The following PRKAR1B variants were observed in gnomAD, a reference collection of about 807,000 sequenced individuals.
PRKAR1B encodes cAMP-dependent protein kinase type I-beta regulatory subunit.
A neutral mutation model predicts 46.5 loss-of-function variants in PRKAR1B; 22 were observed. That is an observed-to-expected ratio of 0.47 (90% CI 0.34 to 0.68). The LOEUF (loss-of-function observed/expected upper bound fraction) is 0.68, where lower values mean the gene tolerates loss of function less well. PRKAR1B is among the 30% of genes least tolerant of loss of function. PRKAR1B has a pLI of 0.01. For missense variants in PRKAR1B, 445 were observed against 535.6 expected (o/e 0.83, Z 1.67); for synonymous variants, 259 against 217.7 (o/e 1.19, Z -1.67).
intron 1 of PRKAR1B, among the ~76,000 whole-genome samples, chr7:724,094 A>G (rs1028459772): frequency 3.9e-5 from 6 of 152,186 alleles, no homozygotes; most frequent in African/African-American, 1.4e-4. Context: ...CACTTCCTGA[A>G]CTATGGGGGT....
chr7:584,876 C>T (rs1780510486), intron 7 of PRKAR1B, among the ~76,000 whole-genome samples: 1 of 152,232 alleles, frequency 6.6e-6, no homozygotes, highest in African/African-American at 2.4e-5. Flanking sequence ...GCACAGCCAG[C>T]CAGAGCCTGA....
chr7:698,488 G>A (rs1431603736), intron 2 of PRKAR1B, among the ~76,000 whole-genome samples: 1 of 152,086 alleles, frequency 6.6e-6, no homozygotes, highest in Non-Finnish European at 1.5e-5. Flanking sequence ...ATGTGTTAGT[G>A]TGTGTCTAGG....
intron 9 of PRKAR1B, 38 bp from the exon 10 acceptor site, chr7:551,508 G>A (rs778256477): frequency 6.5e-7 from 1 of 1,544,462 alleles, no homozygotes; most frequent in African/African-American, 1.4e-5. Context: ...TGCCAGCCAG[G>A]CGGGTGCAGG....
intron 2 of PRKAR1B, among the ~76,000 whole-genome samples, chr7:685,216 CATGTT>C (rs1054003499): frequency 2.2e-5 from 3 of 137,006 alleles, no homozygotes; most frequent in Non-Finnish European, 3.1e-5. Flanking sequence ...ATATATATAA[CATGTT>C]ATATATATAT....
intron 9 of PRKAR1B, among the ~76,000 whole-genome samples, chr7:559,520 C>T (rs538519157): frequency 2.4e-4 from 37 of 152,288 alleles, no homozygotes; most frequent in Admixed American, 2.4e-3. Flanking sequence ...GAGGGGACCC[C>T]GATCTGGGGC....
At position 592,253 on chromosome 7, in the gene PRKAR1B, G is replaced by A. The variant is rs959768163; in HGVS notation, c.708+3893C>T. Among the ~76,000 whole-genome samples the A allele has an allele frequency of 9.9e-5, 15 of 152,230 alleles. 1 individual carries two copies. The highest frequency in any genetic ancestry group is 3.1e-4 in the African/African-American group (13 of 41,468). The stretch of plus-strand genomic sequence containing the variant: ...GCCCTCCCGGCTGCCGTGGCCTCAC[G>A]TGGACACTGCAGGGCACTAAGCCCC... On this transcript the variant is annotated intron_variant, in intron 7 of 10. Coordinates refer to ENST00000537384, the MANE Select transcript of PRKAR1B (RefSeq NM_001164760.2).
intron 4 of PRKAR1B, among the ~76,000 whole-genome samples, chr7:611,976 T>C (rs1424756180): frequency 6.8e-6 from 1 of 146,290 alleles, no homozygotes; most frequent in African/African-American, 2.6e-5. Flanking sequence ...GATCAACGGA[T>C]GGATGGATGG....
intron 9 of PRKAR1B, among the ~76,000 whole-genome samples, chr7:556,797 G>C (rs930951883): frequency 6.6e-6 from 1 of 152,232 alleles, no homozygotes; most frequent in Non-Finnish European, 1.5e-5. Context: ...CAGTAGAGCT[G>C]TGTCTTGAGC....
At chr7:705,448 C>T (rs940363939) in intron 2 of PRKAR1B, among the ~76,000 whole-genome samples, 35 of 151,996 alleles carry the variant, frequency 2.3e-4, no homozygotes, top group Non-Finnish European at 2.9e-5. Context: ...GCTTGGAACA[C>T]GAGATAGGAC....
At chr7:657,043 A>G (rs552689978) in intron 4 of PRKAR1B, among the ~76,000 whole-genome samples, 2 of 139,224 alleles carry the variant, frequency 1.4e-5, no homozygotes, top group South Asian at 2.4e-4. Context: ...ATGAGTGAAT[A>G]AATGAATGGA....
chr7:636,783 C>G (rs1001599019), intron 4 of PRKAR1B, among the ~76,000 whole-genome samples: 2 of 152,230 alleles, frequency 1.3e-5, no homozygotes, highest in African/African-American at 4.8e-5. Flanking sequence ...GTCTCTGCAC[C>G]TGCACGCCCC....
At chr7:590,264 G>A (rs1780898759) in intron 7 of PRKAR1B, among the ~76,000 whole-genome samples, 1 of 152,266 alleles carries the variant, frequency 6.6e-6, no homozygotes, top group South Asian at 2.1e-4. Flanking sequence ...GTGCACATCA[G>A]CACAGCACGG....
At chr7:635,022 A>T (rs1357782866) in intron 4 of PRKAR1B, among the ~76,000 whole-genome samples, 1 of 152,242 alleles carries the variant, frequency 6.6e-6, no homozygotes, top group African/African-American at 2.4e-5. Flanking sequence ...CTGATGAAGC[A>T]AATGCAGCAC....
At chr7:639,323 GTCAATGGGGAAAGAAAGAGTGCTT>G (rs1784275441) in intron 4 of PRKAR1B, among the ~76,000 whole-genome samples, 1 of 152,194 alleles carries the variant, frequency 6.6e-6, no homozygotes, top group Admixed American at 6.5e-5. Flanking sequence ...GCCAAGGCAA[GTCAATGGGGAAAGAAAGAGTGCTT>G]TCAACAAATC....
chr7:714,021 G>A lies in PRKAR1B; in HGVS notation c.-22-2494C>T, dbSNP rs934125164. 6.6e-5 allele frequency among the ~76,000 whole-genome samples: 10 copies of A among 152,216 alleles called. No individual in the cohort carries two copies. Among genetic ancestry groups the A allele is most frequent in the African/African-American group, 2.2e-4 (9 of 41,534 alleles). ...TCAGACCTCTGGCTCTCCCAGCCCTGGCCTGCCTGGAGCTGCTGCTGACCA... is the reference window on the plus strand; with the variant it reads ...TCAGACCTCTGGCTCTCCCAGCCCTAGCCTGCCTGGAGCTGCTGCTGACCA... On this transcript the variant is annotated intron_variant, in intron 1 of 10. Transcript: ENST00000537384. The surrounding 1 kb of genome is among the most constrained non-coding windows in gnomAD (Gnocchi z 4.3).
intron 4 of PRKAR1B, among the ~76,000 whole-genome samples, chr7:652,456 G>A (rs565498650): frequency 8.1e-5 from 12 of 148,226 alleles, no homozygotes; most frequent in East Asian, 6.1e-4. Context: ...CCCACGCAGC[G>A]CTAGGAACCT....
Position 644,512 on chromosome 7 carries a change from C to T in PRKAR1B, c.440+32717G>A, listed in dbSNP as rs1784535517. Among the ~76,000 whole-genome samples the T allele has an allele frequency of 3.3e-5, 5 of 152,198 alleles. No homozygotes were observed. The South Asian group carries it at 1.0e-3, about 31-fold the overall frequency. ...GACGCCATCCCGGGGTCCAGCATCC[C>T]TCCGAGGGCCCACCCTCCACTCCCC... is the stretch of plus-strand genomic sequence containing the variant. On this transcript the variant is annotated intron_variant, in intron 4 of 10. Coordinates refer to ENST00000537384, the MANE Select transcript of PRKAR1B (RefSeq NM_001164760.2). The surrounding 1 kb of genome is among the most constrained non-coding windows in gnomAD (Gnocchi z 4.9).
At chr7:596,435 T>G in intron 6 of PRKAR1B, 131 bp from the exon 7 acceptor site, 2 of 1,139,872 alleles carry the variant, frequency 1.8e-6, no homozygotes, top group Non-Finnish European at 2.4e-6. Flanking sequence ...GCCCTTTCGC[T>G]TGTGGGCAGA....
chr7:677,061 G>C (rs893200941), intron 4 of PRKAR1B, among the ~76,000 whole-genome samples, 168 bp downstream of exon 4: 1 of 151,572 alleles, frequency 6.6e-6, no homozygotes, highest in Admixed American at 6.6e-5. Flanking sequence ...CCCACCTCCC[G>C]GAGGCCGGAG....
Sources: gnomAD v4.1 joint callset for allele counts (sites outside exome capture counted in the v4.1 genomes callset) on GRCh38, gnomAD v4.1.1 for gene constraint, Gnocchi (gnomAD v3.1) non-coding constraint, MANE v1.5 for transcripts, NCBI Gene and HGNC (gene_info 2026-07-23, HGNC 2026-07-21) for gene names.